LYPD3: variants seen among roughly 807,000 people sequenced by gnomAD.
LYPD3 encodes ly6/PLAUR domain-containing protein 3.
Under a neutral mutation model 21.7 loss-of-function variants are expected in LYPD3, and 22 were observed. The ratio of observed to expected loss-of-function variants is 1.01; its 90% CI spans 0.72 to 1.45. LYPD3 has a LOEUF of 1.45. Ranked by LOEUF, LYPD3 falls within the 40% of genes most tolerant of loss-of-function variation. The pLI, the probability that LYPD3 is intolerant of heterozygous loss-of-function variation, is 0.00. For synonymous variants in LYPD3, 179 were observed against 203.0 expected (o/e 0.88, Z 1.00); for missense variants, 471 against 466.9 (o/e 1.01, Z -0.08).
Position 43,461,774 on chromosome 19 carries a change from G to A in LYPD3, c.618C>T (p.Gly206=), listed in dbSNP as rs1171213513. The A allele has an allele frequency of 6.2e-7, 1 of 1,614,040 alleles. No homozygotes were observed. The highest frequency in any genetic ancestry group is 8.5e-7 in the Non-Finnish European group (1 of 1,180,032). Residue 206 remains glycine (G), a synonymous_variant, in exon 5 of 5, where the codon GGC becomes GGT. Transcript: ENST00000244333. ...AGGAGCCACTGAGCGTGAACCCTGGGCCTGTTACTCCATCCCGAGTGCAGA... is the reference window on the plus strand; with the variant it reads ...AGGAGCCACTGAGCGTGAACCCTGGACCTGTTACTCCATCCCGAGTGCAGA... ...DEFCTRDGVT[G]PGFTLSGSCC...
chr19:43,462,948 T>C lies in LYPD3; in HGVS notation c.544+178A>G, dbSNP rs555196581. Among the ~76,000 whole-genome samples the C allele has an allele frequency of 5.9e-5, 9 of 152,320 alleles. No individual in the cohort carries two copies. In the South Asian group the frequency reaches 1.9e-3, roughly 32 times the overall value. On this transcript the variant is annotated intron_variant, in intron 4 of 4. Transcript: ENST00000244333. Reference sequence around the variant, plus strand: ...TCACTATCCCCACACTATTAATATGTTGGGGGAAGGGACTGCATTTTCCAT... The same window carrying C: ...TCACTATCCCCACACTATTAATATGCTGGGGGAAGGGACTGCATTTTCCAT...
intron 4 of LYPD3, among the ~76,000 whole-genome samples, chr19:43,462,905 ACACTCTGGGACAAAGCAT>A (rs1217700530): frequency 6.6e-6 from 1 of 152,182 alleles, no homozygotes; most frequent in African/African-American, 2.4e-5. Flanking sequence ...TCCCTCCAAA[ACACTCTGGGACAAAGCAT>A]CACTATCCCC....
At position 43,461,810 on chromosome 19, in the gene LYPD3, G is replaced by A; in HGVS notation, c.582C>T (p.Val194=). 1 of 1,613,742 alleles carries A rather than the reference G, an allele frequency of 6.2e-7. No individual in the cohort carries two copies. The highest frequency in any genetic ancestry group is 8.5e-7 in the Non-Finnish European group (1 of 1,179,716). ...CATCCCGAGTGCAGAATTCATCCTG[G>A]ACACAGCCCCGGACAGGCAAGGACA... ...VTVSLPVRGC[V]QDEFCTRDGV... is the part of the protein sequence containing the mutation. Residue 194 remains valine, a synonymous_variant, in exon 5 of 5, where the codon GTC becomes GTT. Coordinates refer to ENST00000244333, the MANE Select transcript of LYPD3 (RefSeq NM_014400.3).
intron 4 of LYPD3, among the ~76,000 whole-genome samples, chr19:43,462,518 C>T (rs923553014): frequency 3.3e-5 from 5 of 152,072 alleles, no homozygotes; most frequent in African/African-American, 1.2e-4. Context: ...AGGAACCAGT[C>T]GTGGCGGTGC....
In LYPD3 at chr19:43,463,274, T is replaced by G. The variant is rs760352705; in HGVS notation, c.396A>C (p.Ala132=). ...AGCACTCCACGCCGTTGGGCGGGTATGCACTCTCATTACCTGCGAGGGGAG... is the reference window on the plus strand; with the variant it reads ...AGCACTCCACGCCGTTGGGCGGGTAGGCACTCTCATTACCTGCGAGGGGAG... ...RALDPAGNES[A]YPPNGVECYS... Residue 132 remains alanine, a synonymous_variant, in exon 4 of 5, where the codon GCA becomes GCC. Transcript: ENST00000244333. 6.2e-7 allele frequency: 1 copy of G among 1,602,680 alleles called. No individual in the cohort carries two copies. Among genetic ancestry groups the G allele is most frequent in the East Asian group, 2.2e-5 (1 of 44,880 alleles).
At chr19:43,461,969 G>A (rs1007319356) in intron 4 of LYPD3, 122 bp from the exon 5 acceptor site, 3 of 1,013,532 alleles carry the variant, frequency 3.0e-6, no homozygotes, top group East Asian at 2.6e-5. Flanking sequence ...GCTCACGCCT[G>A]TAATCCCAGC....
At chr19:43,461,925 C>G in intron 4 of LYPD3, 78 bp from the exon 5 acceptor site, 3 of 1,479,716 alleles carry the variant, frequency 2.0e-6, no homozygotes, top group East Asian at 4.6e-5. Context: ...TTAGAGGCAT[C>G]AGACAAGAAC....
Position 43,461,626 on chromosome 19 carries a change from T to A in LYPD3, c.766A>T (p.Thr256Ser), listed in dbSNP as rs1970776442. 6.2e-7 allele frequency: 1 copy of A among 1,613,844 alleles called. No homozygotes were observed. The highest frequency in any genetic ancestry group is 1.3e-5 in the African/African-American group (1 of 74,852). ...CTCACTGGGGCCGAGGTAGAAGTGG[T>A]GACAGATGTGGTTGAGGCCACAGTC... is the stretch of plus-strand genomic sequence containing the variant. ...PTTVASTTSVTTSTSAPVRPT... is the reference protein window; with the variant it reads ...PTTVASTTSVSTSTSAPVRPT... The change falls in exon 5 of 5, where the codon ACC becomes TCC. Residue 256 changes from threonine (T) to serine (S), a missense_variant. Transcript: ENST00000244333.
Position 43,460,870 on chromosome 19 carries a change from C to A in LYPD3, c.*481G>T. ...CACAGACATAAGGCACGGTCCCTGC[C>A]CTCGAGGAGCTCACAGTCTAGTAAG... On this transcript the variant is annotated 3_prime_UTR_variant, in exon 5 of 5. Transcript: ENST00000244333. 5.7e-6 allele frequency: 1 copy of A among 176,122 alleles called. No homozygotes were observed. Among genetic ancestry groups the A allele is most frequent in the Admixed American group, 5.6e-5 (1 of 17,908 alleles). The allele number at this position is 176,122 out of a possible 1,614,324, so 10.9% of individuals were successfully genotyped here.
At chr19:43,464,808 T>C (rs1402232645) in intron 1 of LYPD3, among the ~76,000 whole-genome samples, 1 of 152,110 alleles carries the variant, frequency 6.6e-6, no homozygotes, top group South Asian at 2.1e-4. Flanking sequence ...GGGAGAACTT[T>C]TCCCACAGTA....
intron 1 of LYPD3, 50 bp from the exon 2 acceptor site, chr19:43,464,506 AC>A: frequency 1.9e-6 from 3 of 1,610,694 alleles, no homozygotes; most frequent in Non-Finnish European, 2.5e-6. Context: ...TAAAGCGTCC[AC>A]CCCCAAGGAG....
intron 1 of LYPD3, 83 bp downstream of exon 1, chr19:43,465,410 G>C: frequency 6.7e-7 from 1 of 1,482,368 alleles, no homozygotes; most frequent in Non-Finnish European, 9.2e-7. Context: ...CCTTCCCACA[G>C]CCTTCTCTGT....
chr19:43,465,403 T>C (rs2122420036), intron 1 of LYPD3, 90 bp downstream of exon 1: 2 of 1,438,970 alleles, frequency 1.4e-6, no homozygotes, highest in East Asian at 2.3e-5. Flanking sequence ...TGGGGATCCT[T>C]CCCACAGCCT....
rs779077280 is a variant in LYPD3, at chr19:43,461,415, C to T, written c.977G>A (p.Cys326Tyr). Residue 326 changes from cysteine (C) to tyrosine (Y), a missense_variant, in exon 5 of 5, where the codon TGT becomes TAT. Transcript: ENST00000244333. The part of the protein sequence containing the change: ...GGPQQPHNKG[C>Y]VAPTAGLAAL... ...TGCCAATCCAGCTGTGGGAGCCACA[C>T]AGCCTTTATTATGGGGCTGCTGGGG... is the stretch of plus-strand genomic sequence containing the variant. 6.2e-7 allele frequency: 1 copy of T among 1,613,890 alleles called. No individual in the cohort carries two copies. The highest frequency in any genetic ancestry group is 8.5e-7 in the Non-Finnish European group (1 of 1,179,764).
intron 2 of LYPD3, 54 bp downstream of exon 2, chr19:43,464,271 G>T: frequency 6.5e-7 from 1 of 1,550,144 alleles, no homozygotes; most frequent in Non-Finnish European, 8.7e-7. Flanking sequence ...AAGGAGGCGG[G>T]GCTGGGCCGG....
intron 1 of LYPD3, 146 bp downstream of exon 1, chr19:43,465,347 C>A: frequency 1.1e-6 from 1 of 909,518 alleles, no homozygotes; most frequent in South Asian, 1.7e-5. Context: ...CTCTGCCTCC[C>A]TTGCTTAGGA....
In LYPD3 at chr19:43,464,378, T is replaced by C; in HGVS notation, c.158A>G (p.Lys53Arg). The change falls in exon 2 of 5, where the codon AAG becomes AGG. Residue 53 changes from lysine (K) to arginine (R), a missense_variant. Physicochemically the swap from Lys to Arg is conservative, Grantham distance 26 (BLOSUM62 2). Coordinates refer to ENST00000244333, the MANE Select transcript of LYPD3 (RefSeq NM_014400.3). ...GCSPNKMKTV[K>R]CAPGVDVCTE... ...GCAGACGTCCACGCCCGGCGCGCAC[T>C]TCACTGTCTTCATCTTGTTCGGGGA... The C allele has an allele frequency of 6.2e-7, 1 of 1,614,058 alleles. No individual in the cohort carries two copies. Among genetic ancestry groups the C allele is most frequent in the East Asian group, 2.2e-5 (1 of 44,870 alleles).
At chr19:43,463,345 G>T in intron 3 of LYPD3, 58 bp from the exon 4 acceptor site, 2 of 1,566,634 alleles carry the variant, frequency 1.3e-6, no homozygotes, top group African/African-American at 1.3e-5. Context: ...ACCGCAGCTC[G>T]TCCTCTAGCC....
intron 1 of LYPD3, 130 bp from the exon 2 acceptor site, chr19:43,464,586 G>A (rs58639706): frequency 0.056 from 68,977 of 1,233,868 alleles, 4,047 homozygotes; most frequent in East Asian, 0.31. Flanking sequence ...TCCAGGGCAG[G>A]AGTAGGGAAA....
Sources: gnomAD v4.1 joint callset for allele counts (sites outside exome capture counted in the v4.1 genomes callset) on GRCh38, gnomAD v4.1.1 for gene constraint, MANE v1.5 for transcripts, NCBI Gene and HGNC (gene_info 2026-07-23, HGNC 2026-07-21) for gene names.